AKAIN1: variants seen among roughly 807,000 people sequenced by gnomAD.
The protein encoded by AKAIN1 is A-kinase anchor protein inhibitor 1.
Under a neutral mutation model 3.7 loss-of-function variants are expected in AKAIN1, and 3 were observed. That is an observed-to-expected ratio of 0.82 (90% CI 0.37 to 2.12). The LOEUF (loss-of-function observed/expected upper bound fraction) is 2.12, where lower values mean the gene tolerates loss of function less well. Among genes scored for constraint, AKAIN1 ranks in the 30% most tolerant of loss-of-function variants. The pLI is 0.06. For synonymous variants in AKAIN1, 31 were observed against 30.8 expected, an observed-to-expected ratio of 1.01 and a Z score of -0.02; for missense variants, 82 against 82.7, an observed-to-expected ratio of 0.99 and a Z score of 0.03.
rs770449987 is a variant in AKAIN1, at chr18:5,145,444, TC to T, written c.*117del. ...CAGCCAGGGGCTAGTGTGAATTCAT[TC>T]TACAGCTAGGTGCCGGTGACACTTC... On this transcript the variant is annotated 3_prime_UTR_variant, in exon 2 of 2. Transcript: ENST00000434239. 373 of 762,876 alleles carry T rather than the reference TC, an allele frequency of 4.9e-4. No homozygotes were observed. Among genetic ancestry groups the T allele is most frequent in the Non-Finnish European group, 2.8e-4 (133 of 469,728 alleles). The allele number at this position is 762,876 out of a possible 1,614,324, so 47.3% of individuals were successfully genotyped here. A position where few individuals can be genotyped will look rare whatever the true frequency, so the allele number is the denominator to read the frequency against.
chr18:5,147,561 C>T (rs149435717), intron 1 of AKAIN1, among the ~76,000 whole-genome samples: 77 of 152,242 alleles, frequency 5.1e-4, no homozygotes, highest in African/African-American at 1.7e-3. Context: ...GGAGGGATGA[C>T]GTTCACTGGG....
In AKAIN1 at chr18:5,182,700, A is replaced by C. The variant is rs146769918; in HGVS notation, c.16+14338T>G. ...CCTCAAGAAAGCTCATGCATGTGGC[A>C]CTTAATTAACATAAATGCTTTCAAA... On this transcript the variant is annotated intron_variant, in intron 1 of 1. Coordinates refer to ENST00000434239, the MANE Select transcript of AKAIN1 (RefSeq NM_001145194.2). Among the ~76,000 whole-genome samples, 435 of 152,236 alleles carry C rather than the reference A, an allele frequency of 2.9e-3. 1 individual carries two copies. The highest frequency in any genetic ancestry group is 6.8e-3 in the Middle Eastern group (2 of 292).
intron 1 of AKAIN1, among the ~76,000 whole-genome samples, chr18:5,179,363 CAA>C (rs1354975721): frequency 6.6e-6 from 1 of 151,906 alleles, no homozygotes; most frequent in Non-Finnish European, 1.5e-5. Flanking sequence ...CATGTTGCCA[CAA>C]AAGACATGAT....
chr18:5,191,935 T>G (rs759534949), intron 1 of AKAIN1, among the ~76,000 whole-genome samples: 1 of 152,234 alleles, frequency 6.6e-6, no homozygotes, highest in Non-Finnish European at 1.5e-5. Context: ...TATACACATA[T>G]ATTTCATATA....
intron 1 of AKAIN1, among the ~76,000 whole-genome samples, chr18:5,184,209 G>A (rs986756957): frequency 6.6e-6 from 1 of 151,938 alleles, no homozygotes; most frequent in Non-Finnish European, 1.5e-5. Flanking sequence ...TGATTTGAGG[G>A]TTACAAATAA....
At chr18:5,165,898 A>C (rs990171963) in intron 1 of AKAIN1, among the ~76,000 whole-genome samples, 11 of 152,042 alleles carry the variant, frequency 7.2e-5, no homozygotes, top group African/African-American at 2.7e-4. Flanking sequence ...CTGGGCTGAG[A>C]ATAAAGTTAT....
At chr18:5,183,487 A>T (rs1490014502) in intron 1 of AKAIN1, among the ~76,000 whole-genome samples, 1 of 152,074 alleles carries the variant, frequency 6.6e-6, no homozygotes, top group Non-Finnish European at 1.5e-5. Flanking sequence ...GAAAATCAGA[A>T]AATATAGTAA....
intron 1 of AKAIN1, among the ~76,000 whole-genome samples, chr18:5,147,357 T>C (rs1331726109): frequency 6.6e-6 from 1 of 152,222 alleles, no homozygotes; most frequent in Non-Finnish European, 1.5e-5. Flanking sequence ...GCAGTAGATG[T>C]AATACGAACT....
intron 1 of AKAIN1, among the ~76,000 whole-genome samples, chr18:5,172,524 A>G (rs1014712918): frequency 2.6e-5 from 4 of 152,072 alleles, no homozygotes; most frequent in Non-Finnish European, 5.9e-5. Context: ...TGGCATTGCA[A>G]TGTGCATCTT....
At chr18:5,181,282 A>T (rs1372430425) in intron 1 of AKAIN1, among the ~76,000 whole-genome samples, 1 of 152,024 alleles carries the variant, frequency 6.6e-6, no homozygotes, top group Non-Finnish European at 1.5e-5. Flanking sequence ...ACAGAGTAAG[A>T]CCTCATCTCA....
rs184058074 is a variant in AKAIN1, at chr18:5,168,915, G to T, written c.17-23160C>A. ...AAAAACAACAACAAAAAGGGATGGG[G>T]GAGCTACATAAGGGAACTAAAGGAG... On this transcript the variant is annotated intron_variant, in intron 1 of 1. Coordinates refer to ENST00000434239, the MANE Select transcript of AKAIN1 (RefSeq NM_001145194.2). Among the ~76,000 whole-genome samples the T allele has an allele frequency of 2.5e-3, 382 of 151,722 alleles. 5 individuals carry two copies. The highest frequency in any genetic ancestry group is 0.024 in the South Asian group (117 of 4,784).
intron 1 of AKAIN1, among the ~76,000 whole-genome samples, chr18:5,147,576 A>G (rs1423452008): frequency 6.6e-6 from 1 of 152,198 alleles, no homozygotes; most frequent in Admixed American, 6.5e-5. Context: ...ACTGGGGTTG[A>G]TTAATTAACA....
intron 1 of AKAIN1, among the ~76,000 whole-genome samples, chr18:5,182,976 G>A (rs567927824): frequency 6.6e-6 from 1 of 152,104 alleles, no homozygotes; most frequent in Admixed American, 6.6e-5. Context: ...TTTACCTAGT[G>A]CACATATTTT....
At chr18:5,156,433 G>A (rs1160326757) in intron 1 of AKAIN1, among the ~76,000 whole-genome samples, 1 of 152,134 alleles carries the variant, frequency 6.6e-6, no homozygotes, top group Non-Finnish European at 1.5e-5. Flanking sequence ...GTCCCTGGAG[G>A]AAGTGAGTAT....
chr18:5,171,518 A>T (rs927910919), intron 1 of AKAIN1, among the ~76,000 whole-genome samples: 1 of 152,162 alleles, frequency 6.6e-6, no homozygotes, highest in Admixed American at 6.5e-5. Context: ...TCCAATAAAA[A>T]ATGGGCAACA....
intron 1 of AKAIN1, among the ~76,000 whole-genome samples, chr18:5,196,463 G>A (rs2071348178): frequency 6.6e-6 from 1 of 152,268 alleles, no homozygotes; most frequent in African/African-American, 2.4e-5. Context: ...AACCTCCAGC[G>A]GCGCCGCAGT....
At chr18:5,148,890 A>G (rs2071064436) in intron 1 of AKAIN1, among the ~76,000 whole-genome samples, 1 of 152,144 alleles carries the variant, frequency 6.6e-6, no homozygotes, top group Non-Finnish European at 1.5e-5. Flanking sequence ...AAATAAAAAT[A>G]AAACTCAATA....
intron 1 of AKAIN1, among the ~76,000 whole-genome samples, chr18:5,147,435 A>G (rs1328768366): frequency 6.6e-6 from 1 of 152,198 alleles, no homozygotes; most frequent in African/African-American, 2.4e-5. Flanking sequence ...CCTAAATCCC[A>G]CCTATTTATA....
rs531607200 is a variant in AKAIN1, at chr18:5,152,282, T to G, written c.17-6527A>C. Among the ~76,000 whole-genome samples the G allele has an allele frequency of 5.9e-5, 9 of 152,310 alleles. No homozygotes were observed. The East Asian group carries it at 9.7e-4, about 16-fold the overall frequency. On this transcript the variant is annotated intron_variant, in intron 1 of 1. Coordinates refer to ENST00000434239, the MANE Select transcript of AKAIN1 (RefSeq NM_001145194.2). ...AATGAGGTTTTTGTTTAAGGATCAC[T>G]TAACAGGTTTTTCAGAACCCAAATT...
Sources: allele counts gnomAD v4.1 joint callset (sites outside exome capture counted in the v4.1 genomes callset), GRCh38; gene constraint gnomAD v4.1.1; transcripts MANE v1.5; gene names NCBI Gene and HGNC (gene_info 2026-07-23, HGNC 2026-07-21).